Variants in CCDC40 observed in about 807,000 individuals in gnomAD.
CCDC40 encodes the protein coiled-coil domain-containing protein 40.
CCDC40 carries 104 observed loss-of-function variants against 124.5 expected under a neutral mutation model. The ratio of observed to expected loss-of-function variants is 0.84; its 90% CI spans 0.71 to 0.98. The LOEUF (loss-of-function observed/expected upper bound fraction) is 0.98, where lower values mean the gene tolerates loss of function less well. Ranked by LOEUF, CCDC40 falls within the 50% of genes least tolerant of loss-of-function variation. The pLI is 0.00. For synonymous variants in CCDC40, 580 were observed against 602.9 expected (o/e 0.96, Z 0.56); for missense variants, 1,463 against 1,503.9 (o/e 0.97, Z 0.45).
intron 7 of CCDC40, among the ~76,000 whole-genome samples, chr17:80,051,873 G>T (rs751600522): frequency 6.6e-6 from 1 of 152,198 alleles, no homozygotes; most frequent in Non-Finnish European, 1.5e-5. Flanking sequence ...CCTCTGCTAG[G>T]GCTTAAAGAG....
intron 10 of CCDC40, among the ~76,000 whole-genome samples, chr17:80,077,742 T>C (rs1225800947): frequency 6.6e-6 from 1 of 152,226 alleles, no homozygotes; most frequent in African/African-American, 2.4e-5. Context: ...CTAGCGATGG[T>C]GAGCATCTCT....
At chr17:80,036,794 C>A in intron 1 of CCDC40, 103 bp downstream of exon 1, 1 of 1,094,688 alleles carries the variant, frequency 9.1e-7, no homozygotes, top group Non-Finnish European at 1.3e-6. Flanking sequence ...GCCCCTTCGC[C>A]TCCACTCCCC....
chr17:80,044,153 A>G (rs2037353921), intron 3 of CCDC40, among the ~76,000 whole-genome samples: 1 of 152,162 alleles, frequency 6.6e-6, no homozygotes, highest in Non-Finnish European at 1.5e-5. Flanking sequence ...TGAGAGGTGC[A>G]AGGTCATTGC....
Position 80,040,471 on chromosome 17 carries a change from G to A in CCDC40, c.552+201G>A, listed in dbSNP as rs1477730349. Reference sequence around the variant, plus strand: ...AGGTGGGTGGGTCACCTGAGGTCAGGAGTTCGAGACCAGCCTGGCCAACGT... The same window carrying A: ...AGGTGGGTGGGTCACCTGAGGTCAGAAGTTCGAGACCAGCCTGGCCAACGT... On this transcript the variant is annotated intron_variant, in intron 3 of 19. Coordinates refer to ENST00000397545, the MANE Select transcript of CCDC40 (RefSeq NM_017950.4). 1.2e-5 allele frequency: 7 copies of A among 600,376 alleles called. No individual in the cohort carries two copies. In the East Asian group the frequency reaches 2.0e-4, roughly 17 times the overall value. The allele number at this position is 600,376 out of a possible 1,614,324, so 37.2% of individuals were successfully genotyped here. A position where few individuals can be genotyped will look rare whatever the true frequency, so the allele number is the denominator to read the frequency against.
rs1555889146 is a variant in CCDC40 at position 80,037,690 on chromosome 17, G to GATTATATATATATATATATAT, written c.30-431_30-430insTATATATATATATATATATAT. Among the ~76,000 whole-genome samples the GATTATATATATATATATATAT allele has an allele frequency of 2.2e-4, 20 of 92,086 alleles. 1 individual carries two copies. The highest frequency in any genetic ancestry group is 6.5e-4 in the Admixed American group (5 of 7,732). The allele number at this position is 92,086 out of a possible 152,430, so 60.4% of individuals were successfully genotyped here. A position where few individuals can be genotyped will look rare whatever the true frequency, so the allele number is the denominator to read the frequency against. On this transcript the variant is annotated intron_variant, in intron 1 of 19. Coordinates refer to ENST00000397545, the MANE Select transcript of CCDC40 (RefSeq NM_017950.4). ...CTTGAATCTTTAATTTTTTAAAAAA[G>GATTATATATATATATATATAT]ATATACATATATATATATATATATA...
chr17:80,069,299 T>A (rs1463302872), intron 10 of CCDC40, among the ~76,000 whole-genome samples: 1 of 152,206 alleles, frequency 6.6e-6, no homozygotes, highest in Non-Finnish European at 1.5e-5. Context: ...CCGTGTCTCA[T>A]ACACAAGCTG....
chr17:80,093,245 C>T (rs541588416), intron 17 of CCDC40, among the ~76,000 whole-genome samples: 1 of 152,220 alleles, frequency 6.6e-6, no homozygotes, highest in Non-Finnish European at 1.5e-5. Flanking sequence ...GTGGCACTCA[C>T]ATCTCAGCTC....
intron 17 of CCDC40, chr17:80,090,330 GGC>G: frequency 1.9e-5 from 12 of 646,008 alleles, no homozygotes; most frequent in Non-Finnish European, 2.8e-5. Context: ...GACGCGCGCA[GGC>G]ACGTGCACGA....
intron 10 of CCDC40, among the ~76,000 whole-genome samples, chr17:80,077,416 G>C (rs573838814): frequency 1.3e-5 from 2 of 152,188 alleles, no homozygotes; most frequent in African/African-American, 4.8e-5. Flanking sequence ...CCAGCTACTT[G>C]GGTGGCTGAG....
rs1265808754 is a variant in CCDC40 at position 80,086,120 on chromosome 17, G to A, written c.2353G>A (p.Val785Ile). ...VTWLRLQQEM[V>I]KVTQEQEEQL... ...CTGGCTGCGCCTGCAGCAGGAGATGGTCAAGGTGACACAGGAGCAGGAGGA... is the reference window on the plus strand; with the variant it reads ...CTGGCTGCGCCTGCAGCAGGAGATGATCAAGGTGACACAGGAGCAGGAGGA... The change falls in exon 14 of 20, where the codon GTC (valine) becomes ATC (isoleucine). Residue 785 changes from valine to isoleucine, a missense_variant. Physicochemically the swap from Val to Ile is conservative, Grantham distance 29. Coordinates refer to ENST00000397545, the MANE Select transcript of CCDC40 (RefSeq NM_017950.4). This position sits in a 1 kb window ranked among gnomAD's most constrained non-coding sequence, Gnocchi z 5.5. The A allele has an allele frequency of 1.9e-6, 3 of 1,614,154 alleles. No homozygotes were observed. The highest frequency in any genetic ancestry group is 4.5e-5 in the East Asian group (2 of 44,864).
chr17:80,059,066 C>T, intron 9 of CCDC40, 86 bp downstream of exon 9: 1 of 1,524,464 alleles, frequency 6.6e-7, no homozygotes, highest in Admixed American at 1.7e-5. Context: ...TAGACTGCAC[C>T]TGCCCGTCTG....
chr17:80,067,697 C>T, intron 10 of CCDC40: 2 of 1,530,506 alleles, frequency 1.3e-6, no homozygotes, highest in Non-Finnish European at 1.8e-6. Context: ...CACCAGGATG[C>T]TATATAGCCT....
chr17:80,090,438 AGGACACACACAAGCAC>A, intron 17 of CCDC40: 4 of 195,332 alleles, frequency 2.0e-5, no homozygotes, highest in Non-Finnish European at 2.7e-5. Flanking sequence ...TGAACAACAC[AGGACACACACAAGCAC>A]GTGCATGAAC....
Position 80,058,085 on chromosome 17 carries a change from G to C in CCDC40, c.1160-409G>C, listed in dbSNP as rs1450445393. On this transcript the variant is annotated intron_variant, in intron 7 of 19. Coordinates refer to ENST00000397545, the MANE Select transcript of CCDC40 (RefSeq NM_017950.4). This position sits in a 1 kb window ranked among gnomAD's most constrained non-coding sequence, Gnocchi z 4.2. ...GCATCTGTGGAGCTCAGCCTGCCCTGGATGTTCTCGTCTCCTCCCAGGGGA... is the reference window on the plus strand; with the variant it reads ...GCATCTGTGGAGCTCAGCCTGCCCTCGATGTTCTCGTCTCCTCCCAGGGGA... Among the ~76,000 whole-genome samples, 1 of 152,072 alleles carries C rather than the reference G, an allele frequency of 6.6e-6. No individual in the cohort carries two copies. Among genetic ancestry groups the C allele is most frequent in the Non-Finnish European group, 1.5e-5 (1 of 68,016 alleles).
chr17:80,047,403 G>T lies in CCDC40; in HGVS notation c.676+1G>T. 6.2e-7 allele frequency: 1 copy of T among 1,611,624 alleles called. No homozygotes were observed. The highest frequency in any genetic ancestry group is 8.5e-7 in the Non-Finnish European group (1 of 1,179,244). On this transcript the variant is annotated splice_donor_variant, in intron 4 of 19. Transcript: ENST00000397545. LOFTEE classifies it high-confidence loss of function. ...GAGGAGTTCGTCTCGCAGGAGCCAG[G>T]TGCCACCCACCTGCTGAGGTCACCC...
intron 10 of CCDC40, among the ~76,000 whole-genome samples, chr17:80,072,595 C>T (rs1345532348): frequency 6.6e-6 from 1 of 152,072 alleles, no homozygotes; most frequent in East Asian, 1.9e-4. Context: ...AATTGCATAC[C>T]TCCAGCCCTG....
intron 18 of CCDC40, 51 bp downstream of exon 18, chr17:80,095,502 C>T (rs748776012): frequency 1.3e-6 from 2 of 1,567,154 alleles, no homozygotes; most frequent in Non-Finnish European, 1.8e-6. Flanking sequence ...CTCTGGGATT[C>T]AAGGAACACT....
At position 80,085,494 on chromosome 17, in the gene CCDC40, G is replaced by A. The variant is rs562073692; in HGVS notation, c.2235+506G>A. 2.5e-3 allele frequency among the ~76,000 whole-genome samples: 378 copies of A among 152,260 alleles called. 5 individuals carry two copies. The highest frequency in any genetic ancestry group is 8.7e-3 in the African/African-American group (363 of 41,564). On this transcript the variant is annotated intron_variant, in intron 13 of 19. Coordinates refer to ENST00000397545, the MANE Select transcript of CCDC40 (RefSeq NM_017950.4). ...CAGCGCACCCACCATGGGGAAGCTA[G>A]AGGGGGCTCCAGAGCCCCTTAGCCA...
intron 10 of CCDC40, among the ~76,000 whole-genome samples, chr17:80,073,906 G>A (rs1261316883): frequency 4.6e-5 from 7 of 151,916 alleles, no homozygotes; most frequent in Non-Finnish European, 1.0e-4. Flanking sequence ...TGTTGGTCTC[G>A]AACTCCTGAC....
Sources: allele counts gnomAD v4.1 joint callset (sites outside exome capture counted in the v4.1 genomes callset), GRCh38; gene constraint gnomAD v4.1.1; non-coding constraint Gnocchi (gnomAD v3.1); transcripts MANE v1.5; gene names NCBI Gene and HGNC (gene_info 2026-07-23, HGNC 2026-07-21).